Variants in GLIS1 observed in about 807,000 individuals in gnomAD.
The protein encoded by GLIS1 is GLIS family zinc finger 1.
Under a neutral mutation model 63.8 loss-of-function variants are expected in GLIS1, and 24 were observed. The observed-to-expected ratio is 0.38, with a 90% CI of 0.27 to 0.53. The LOEUF is 0.53. GLIS1 is among the 20% of genes least tolerant of loss of function. The pLI is 0.85. For synonymous variants in GLIS1, 450 were observed against 482.5 expected, an observed-to-expected ratio of 0.93 and a Z score of 0.88; for missense variants, 1,036 against 1,074.1, an observed-to-expected ratio of 0.96 and a Z score of 0.50.
intron 2 of GLIS1, among the ~76,000 whole-genome samples, chr1:53,609,217 C>T (rs1482610743): frequency 6.7e-6 from 1 of 149,352 alleles, no homozygotes; most frequent in East Asian, 2.0e-4. Context: ...CCATTTATAC[C>T]ATTTACATTT....
rs184546918 is a variant in GLIS1, at chr1:53,623,842, A to G, written c.260-23564T>C. 6.3e-4 allele frequency among the ~76,000 whole-genome samples: 96 copies of G among 152,360 alleles called. 1 individual carries two copies. Among genetic ancestry groups the G allele is most frequent in the Admixed American group, 5.9e-4 (9 of 15,306 alleles). ...AAATAAAGTTACAAAAGCTATTCAT[A>G]TATAAGACCTTTCAATGAAAAATAG... is the stretch of plus-strand genomic sequence containing the variant. On this transcript the variant is annotated intron_variant, in intron 2 of 10. Transcript: ENST00000628545.
intron 2 of GLIS1, among the ~76,000 whole-genome samples, chr1:53,694,058 C>T (rs1311561432): frequency 2.0e-5 from 3 of 152,230 alleles, no homozygotes; most frequent in Non-Finnish European, 4.4e-5. Flanking sequence ...GTAGGGGAGA[C>T]AGGCAACAGG....
At chr1:53,531,689 G>C (rs1644532614) in intron 4 of GLIS1, among the ~76,000 whole-genome samples, 1 of 152,214 alleles carries the variant, frequency 6.6e-6, no homozygotes, top group South Asian at 2.1e-4. Context: ...CGACGTGGTT[G>C]AGATGTCACA....
At chr1:53,644,320 A>C (rs1645819091) in intron 2 of GLIS1, among the ~76,000 whole-genome samples, 1 of 152,230 alleles carries the variant, frequency 6.6e-6, no homozygotes, top group African/African-American at 2.4e-5. Flanking sequence ...TTTATCATAC[A>C]ACCTGACATA....
chr1:53,513,435 CACAATG>C (rs1557940253), intron 8 of GLIS1, among the ~76,000 whole-genome samples: 1 of 152,198 alleles, frequency 6.6e-6, no homozygotes, highest in African/African-American at 2.4e-5. Flanking sequence ...CGTCACCCCA[CACAATG>C]ACTCATGTTT....
chr1:53,599,330 A>G (rs1645291619), intron 3 of GLIS1, among the ~76,000 whole-genome samples: 1 of 152,190 alleles, frequency 6.6e-6, no homozygotes, highest in African/African-American at 2.4e-5. Context: ...ATGGATGATC[A>G]TGGGAGTGGG....
intron 2 of GLIS1, among the ~76,000 whole-genome samples, chr1:53,730,674 A>C (rs879927517): frequency 6.6e-6 from 1 of 152,182 alleles, no homozygotes; most frequent in Admixed American, 6.5e-5. Context: ...AGCGGCACGT[A>C]GGAAGGCAAA....
chr1:53,525,360 C>A (rs1006286138), intron 5 of GLIS1, among the ~76,000 whole-genome samples: 12 of 71,148 alleles, frequency 1.7e-4, no homozygotes, highest in Non-Finnish European at 1.4e-4. Context: ...CAGGTAGGTG[C>A]AGAGGCACCG....
rs778757200 is a variant in GLIS1 at position 53,520,739 on chromosome 1, C to T, written c.1621G>A (p.Asp541Asn). The T allele has an allele frequency of 4.1e-5, 66 of 1,607,288 alleles. No homozygotes were observed. The highest frequency in any genetic ancestry group is 6.7e-5 in the Admixed American group (4 of 59,392). Residue 541 changes from aspartate to asparagine, a missense_variant, in exon 7 of 11, where the codon GAC becomes AAC. By Grantham distance (23) the Asp-to-Asn change is conservative. This residue lies in a region of GLIS1 where 400 missense variants were observed against 400.9 expected (regional missense o/e 1.00). Coordinates refer to ENST00000628545, the MANE Select transcript of GLIS1 (RefSeq NM_001367484.1). Reference protein sequence around the residue: ...KLHAGPDTEADVLTECLVLQQ... With the variant: ...KLHAGPDTEANVLTECLVLQQ... ...AGGACCAGACACTCGGTCAGGACGT[C>T]GGCCTCGGTGTCAGGGCCCGCATGC...
intron 2 of GLIS1, among the ~76,000 whole-genome samples, chr1:53,656,115 G>A (rs571916050): frequency 1.3e-5 from 2 of 152,102 alleles, no homozygotes; most frequent in South Asian, 2.1e-4. Context: ...TCATCCTCCT[G>A]CCCCCAGTGG....
chr1:53,699,965 C>T (rs1024975540), intron 2 of GLIS1, among the ~76,000 whole-genome samples: 5 of 152,136 alleles, frequency 3.3e-5, no homozygotes, highest in Non-Finnish European at 7.3e-5. Context: ...AGATATACAA[C>T]CCTAAAACAC....
At chr1:53,647,758 T>C (rs1366932920) in intron 2 of GLIS1, among the ~76,000 whole-genome samples, 1 of 149,140 alleles carries the variant, frequency 6.7e-6, no homozygotes, top group African/African-American at 2.5e-5. Context: ...AAATGGAGAG[T>C]TTCTACTCAT....
At chr1:53,557,971 T>A (rs1337338995) in intron 4 of GLIS1, among the ~76,000 whole-genome samples, 1 of 152,234 alleles carries the variant, frequency 6.6e-6, no homozygotes, top group East Asian at 1.9e-4. Flanking sequence ...CAATCAAACA[T>A]CATTAGGGGA....
At chr1:53,628,200 C>T (rs1645615940) in intron 2 of GLIS1, among the ~76,000 whole-genome samples, 1 of 152,178 alleles carries the variant, frequency 6.6e-6, no homozygotes, top group Non-Finnish European at 1.5e-5. Context: ...ATTTCCTGAG[C>T]TTGTGTCTAT....
intron 4 of GLIS1, among the ~76,000 whole-genome samples, chr1:53,580,746 C>T (rs1207151753): frequency 6.6e-6 from 1 of 152,124 alleles, no homozygotes; most frequent in East Asian, 1.9e-4. Flanking sequence ...ACGTGCCTAA[C>T]CAATGCCGCT....
chr1:53,604,912 A>ATG (rs763835438), intron 2 of GLIS1, among the ~76,000 whole-genome samples: 84 of 36,950 alleles, frequency 2.3e-3, no homozygotes, highest in African/African-American at 3.0e-3. Flanking sequence ...ATATATATAT[A>ATG]TGTGTGTGTG....
intron 4 of GLIS1, among the ~76,000 whole-genome samples, chr1:53,551,462 T>G (rs1005886122): frequency 1.3e-5 from 2 of 152,252 alleles, no homozygotes; most frequent in East Asian, 3.9e-4. Flanking sequence ...TCTGCAGAAC[T>G]GTGGGTCTCA....
intron 4 of GLIS1, among the ~76,000 whole-genome samples, chr1:53,561,750 G>A (rs1242191177): frequency 6.6e-6 from 1 of 152,220 alleles, no homozygotes; most frequent in Middle Eastern, 3.2e-3. Flanking sequence ...ATCCCGAGGT[G>A]TGAAGCCAAG....
At chr1:53,541,184 G>C (rs1644639554) in intron 4 of GLIS1, among the ~76,000 whole-genome samples, 1 of 152,206 alleles carries the variant, frequency 6.6e-6, no homozygotes, top group African/African-American at 2.4e-5. Flanking sequence ...GGGAGAAATG[G>C]TGAGCCTCCC....
Sources: gnomAD v4.1 joint callset for allele counts (sites outside exome capture counted in the v4.1 genomes callset) on GRCh38, gnomAD v4.1.1 for gene constraint, gnomAD v4.1.1 regional missense constraint, MANE v1.5 for transcripts, NCBI Gene and HGNC (gene_info 2026-07-23, HGNC 2026-07-21) for gene names.